The following KCNC4 variants were observed in gnomAD, a reference collection of about 807,000 sequenced individuals.
KCNC4 encodes the protein potassium voltage-gated channel subfamily C member 4.
In KCNC4, 23 loss-of-function variants were observed where a neutral mutation model predicts 42.8. The ratio of observed to expected loss-of-function variants is 0.54; its 90% CI spans 0.39 to 0.76. The LOEUF (loss-of-function observed/expected upper bound fraction) is 0.76, where lower values mean the gene tolerates loss of function less well. Among genes scored for constraint, KCNC4 ranks in the 30% least tolerant of loss-of-function variants. KCNC4 has a pLI of 0.00. For synonymous variants in KCNC4, 422 were observed against 393.5 expected (o/e 1.07, Z -0.86); for missense variants, 751 against 898.2 (o/e 0.84, Z 2.10).
intron 1 of KCNC4, chr1:110,220,193 A>G (rs1228615443): frequency 2.0e-5 from 3 of 152,262 alleles, no homozygotes; most frequent in African/African-American, 7.2e-5. Context: ...ATGGGCACAC[A>G]TGACCACTCT....
At chr1:110,222,755 CAA>C in intron 1 of KCNC4, 1 of 561,514 alleles carries the variant, frequency 1.8e-6, no homozygotes, top group Non-Finnish European at 3.2e-6. Flanking sequence ...TCTTTTGTGA[CAA>C]AGATTGGGAA....
At chr1:110,268,177 G>A (rs546926913) in intron 1 of KCNC4, among the ~76,000 whole-genome samples, 2 of 152,136 alleles carry the variant, frequency 1.3e-5, no homozygotes, top group South Asian at 2.1e-4. Flanking sequence ...AGAGATAGAT[G>A]CCACCTGGTC....
At chr1:110,249,424 C>A (rs1420604670), downstream of KCNC4, among the ~76,000 whole-genome samples, 2 of 152,144 alleles carry the variant, frequency 1.3e-5, no homozygotes, top group Admixed American at 1.3e-4. Flanking sequence ...TGCCTGGCAC[C>A]TGGTTAGCAC....
At chr1:110,228,069 A>T (rs1166424470) in intron 3 of KCNC4, among the ~76,000 whole-genome samples, 1 of 152,262 alleles carries the variant, frequency 6.6e-6, no homozygotes, top group South Asian at 2.1e-4. Flanking sequence ...CGTGGCAGTT[A>T]ACATTGCCAA....
In KCNC4 at chr1:110,211,657, C is replaced by A; in HGVS notation, c.158C>A (p.Thr53Asn). The A allele has an allele frequency of 6.2e-7, 1 of 1,613,442 alleles. No individual in the cohort carries two copies. The highest frequency in any genetic ancestry group is 1.6e-4 in the Middle Eastern group (1 of 6,062). Residue 53 changes from threonine (T) to asparagine (N), a missense_variant, in exon 1 of 4, where the codon ACC (threonine) becomes AAC (asparagine). Physicochemically the swap from Thr to Asn is moderately conservative, Grantham distance 65 (BLOSUM62 0). Coordinates refer to ENST00000438661, the MANE Select transcript of KCNC4 (RefSeq NM_001039574.3). This position sits in a 1 kb window ranked among gnomAD's most constrained non-coding sequence, Gnocchi z 6.5. Reference protein sequence around the residue: ...GGTRHETYRSTLRTLPGTRLA... With the variant: ...GGTRHETYRSNLRTLPGTRLA... ...ACGCGACATGAGACCTACCGCAGCA[C>A]CCTGCGCACCCTACCGGGAACCCGC...
chr1:110,272,914 CTAAATGT>C lies in KCNC4; in HGVS notation n.31-9619_31-9613del, dbSNP rs1198411098. On this transcript the variant is annotated intron_variant and non_coding_transcript_variant, in intron 1 of 2. Transcript: ENST00000412512. ...TAAATTCATCCTAAAATTCATTTATCTAAATGTAATCTGATTTCCTTGTATTATAAAA... is the reference window on the plus strand; with the variant it reads ...TAAATTCATCCTAAAATTCATTTATCAATCTGATTTCCTTGTATTATAAAA... 7.2e-5 allele frequency among the ~76,000 whole-genome samples: 11 copies of C among 152,184 alleles called. No homozygotes were observed. The South Asian group carries it at 1.2e-3, about 17-fold the overall frequency.
chr1:110,271,282 G>T (rs1659629162), intron 1 of KCNC4, among the ~76,000 whole-genome samples: 1 of 152,182 alleles, frequency 6.6e-6, no homozygotes, highest in Non-Finnish European at 1.5e-5. Flanking sequence ...AGAAGGTCAA[G>T]AAGAAAAGAG....
exon 4 of KCNC4, chr1:110,248,186 T>G (rs1480817184): frequency 6.6e-6 from 1 of 152,250 alleles, no homozygotes; most frequent in African/African-American, 2.4e-5. Flanking sequence ...TATTGAACAC[T>G]TGAAATGTGG....
chr1:110,270,074 G>A (rs561976278), intron 1 of KCNC4, among the ~76,000 whole-genome samples: 1 of 152,312 alleles, frequency 6.6e-6, no homozygotes, highest in South Asian at 2.1e-4. Context: ...TAGGTTGCTT[G>A]GCAGTTTCTA....
rs549855010 is a variant in KCNC4, at chr1:110,223,613, A to G, written c.1328A>G (p.Tyr443Cys). The G allele has an allele frequency of 6.2e-7, 1 of 1,614,032 alleles. No individual in the cohort carries two copies. Among genetic ancestry groups the G allele is most frequent in the South Asian group, 1.1e-5 (1 of 91,082 alleles). Reference protein sequence around the residue: ...TMTTLGYGDMYPKTWSGMLVG... With the variant: ...TMTTLGYGDMCPKTWSGMLVG... ...ACGACACTGGGCTACGGAGACATGT[A>G]CCCCAAGACGTGGTCAGGCATGCTG... Residue 443 changes from tyrosine (Y) to cysteine (C), a missense_variant, in exon 2 of 4, where the codon TAC becomes TGC. Transcript: ENST00000438661. This position sits in a 1 kb window ranked among gnomAD's most constrained non-coding sequence, Gnocchi z 7.5.
At chr1:110,215,488 C>G (rs1168822933) in intron 1 of KCNC4, among the ~76,000 whole-genome samples, 1 of 152,240 alleles carries the variant, frequency 6.6e-6, no homozygotes, top group Non-Finnish European at 1.5e-5. Flanking sequence ...TGCCCTTCCC[C>G]TACCCTAGTC....
At position 110,232,982 on chromosome 1, in the gene KCNC4, A is replaced by G. The variant is rs1658776418; in HGVS notation, c.*10A>G. The G allele has an allele frequency of 6.2e-7, 1 of 1,609,416 alleles. No homozygotes were observed. Among genetic ancestry groups the G allele is most frequent in the South Asian group, 1.1e-5 (1 of 89,646 alleles). On this transcript the variant is annotated 3_prime_UTR_variant, in exon 4 of 4. Transcript: ENST00000438661. ...CCTCACCCTCTCTTAAAGCGGCACC[A>G]ACGTGAGAGAGACAGGCAGACAGAC...
At chr1:110,227,531 C>A (rs2077399) in intron 3 of KCNC4, among the ~76,000 whole-genome samples, 1 of 152,114 alleles carries the variant, frequency 6.6e-6, no homozygotes, top group Non-Finnish European at 1.5e-5. Context: ...CAGACCTCTA[C>A]CCTCGCCTGT....
chr1:110,249,382 A>G (rs981988575), downstream of KCNC4, among the ~76,000 whole-genome samples: 1 of 152,188 alleles, frequency 6.6e-6, no homozygotes, highest in Non-Finnish European at 1.5e-5. Flanking sequence ...GTTGCTTGCA[A>G]ATTCCTTGAG....
intron 1 of KCNC4, among the ~76,000 whole-genome samples, chr1:110,276,873 G>A (rs1405144962): frequency 6.6e-6 from 1 of 152,106 alleles, no homozygotes; most frequent in Non-Finnish European, 1.5e-5. Flanking sequence ...ACCTCCAAGG[G>A]GAAGACTGCA....
intron 1 of KCNC4, among the ~76,000 whole-genome samples, chr1:110,258,111 T>C (rs935191374): frequency 6.6e-6 from 1 of 152,208 alleles, no homozygotes; most frequent in Non-Finnish European, 1.5e-5. Context: ...GAATGAAGAA[T>C]GATATTGGGA....
Position 110,211,485 on chromosome 1 carries a change from C to G in KCNC4, c.-15C>G. ...GGCAGCGGCCGCCCCAAGCCGGAGC[C>G]CCGCAGCGCTTCTTATGATCAGCTC... On this transcript the variant is annotated 5_prime_UTR_variant, in exon 1 of 4. Transcript: ENST00000438661. The surrounding 1 kb of genome is among the most constrained non-coding windows in gnomAD (Gnocchi z 6.5). 5 of 1,602,348 alleles carry G rather than the reference C, an allele frequency of 3.1e-6. No individual in the cohort carries two copies. The highest frequency in any genetic ancestry group is 4.3e-6 in the Non-Finnish European group (5 of 1,171,856).
At chr1:110,250,508 G>GA (rs2101066331), downstream of KCNC4, among the ~76,000 whole-genome samples, 1 of 152,286 alleles carries the variant, frequency 6.6e-6, no homozygotes, top group African/African-American at 2.4e-5. Context: ...AAACTCCCAG[G>GA]AAAAAAGATG....
intron 1 of KCNC4, among the ~76,000 whole-genome samples, chr1:110,262,346 G>A (rs1025439464): frequency 2.6e-5 from 4 of 152,176 alleles, no homozygotes; most frequent in Non-Finnish European, 5.9e-5. Context: ...GGCATGAGCC[G>A]CTGCACCCAG....
Sources: gnomAD v4.1 joint callset for allele counts (sites outside exome capture counted in the v4.1 genomes callset) on GRCh38, gnomAD v4.1.1 for gene constraint, Gnocchi (gnomAD v3.1) non-coding constraint, MANE v1.5 for transcripts, NCBI Gene and HGNC (gene_info 2026-07-23, HGNC 2026-07-21) for gene names.